Variants in SLC4A8 observed in about 807,000 individuals in gnomAD.
The protein encoded by SLC4A8 is solute carrier family 4 member 8.
Under a neutral mutation model 125.0 loss-of-function variants are expected in SLC4A8, and 40 were observed. The ratio of observed to expected loss-of-function variants is 0.32; its 90% CI spans 0.25 to 0.42. The LOEUF (loss-of-function observed/expected upper bound fraction) is 0.42. Ranked by LOEUF, SLC4A8 falls within the 10% of genes least tolerant of loss-of-function variation. The pLI is 1.00. For synonymous variants in SLC4A8, 456 were observed against 476.0 expected, an observed-to-expected ratio of 0.96 and a Z score of 0.55; for missense variants, 863 against 1,355.1, an observed-to-expected ratio of 0.64 and a Z score of 5.70.
rs758526689 is a variant in SLC4A8 at position 51,435,584 on chromosome 12, C to T, written c.49-5124C>T. On this transcript the variant is annotated intron_variant, in intron 1 of 24. Transcript: ENST00000453097. ...ACCAGCCTGGGCAACATAGTGAGAC[C>T]GCCCGCCCCAACTCCGCCACCTCTC... 8.6e-5 allele frequency among the ~76,000 whole-genome samples: 13 copies of T among 151,854 alleles called. No homozygotes were observed. In the East Asian group the frequency reaches 2.3e-3, roughly 27 times the overall value.
In SLC4A8 at chr12:51,507,615, G is replaced by C. The variant is rs992079592; in HGVS notation, c.*177G>C. Reference sequence around the variant, plus strand: ...CTTGGTGTGCATTGGAAGGCATCCAGCTATCCCCATACCAGCAGCCAGTCA... The same window carrying C: ...CTTGGTGTGCATTGGAAGGCATCCACCTATCCCCATACCAGCAGCCAGTCA... On this transcript the variant is annotated 3_prime_UTR_variant, in exon 25 of 25. Transcript: ENST00000453097. 8.6e-6 allele frequency: 4 copies of C among 464,754 alleles called. No homozygotes were observed. The highest frequency in any genetic ancestry group is 7.9e-5 in the African/African-American group (4 of 50,360). 28.8% of individuals were successfully genotyped at this position (464,754 alleles called of 1,614,324 possible).
At chr12:51,478,387 C>T (rs548258226) in intron 16 of SLC4A8, among the ~76,000 whole-genome samples, 56 of 151,948 alleles carry the variant, frequency 3.7e-4, no homozygotes, top group Admixed American at 6.6e-4. Context: ...TACAGTGAGC[C>T]GAGATCACTC....
In SLC4A8 at chr12:51,511,054, T is replaced by C. The variant is rs1288880792; in HGVS notation, c.*3616T>C. 6.6e-6 allele frequency: 1 copy of C among 152,214 alleles called. No individual in the cohort carries two copies. The highest frequency in any genetic ancestry group is 1.5e-5 in the Non-Finnish European group (1 of 68,044). 9.4% of individuals were successfully genotyped at this position (152,214 alleles called of 1,614,324 possible). On this transcript the variant is annotated 3_prime_UTR_variant, in exon 25 of 25. Transcript: ENST00000453097. ...GGACGACTTCATGGGTCAGTCCACATGATTGCAGGATTTCCCATTGTTCAT... is the reference window on the plus strand; with the variant it reads ...GGACGACTTCATGGGTCAGTCCACACGATTGCAGGATTTCCCATTGTTCAT...
intron 19 of SLC4A8, among the ~76,000 whole-genome samples, chr12:51,492,490 C>T (rs568946040): frequency 2.0e-5 from 3 of 152,266 alleles, no homozygotes; most frequent in Admixed American, 6.5e-5. Context: ...AGAGCCTAAA[C>T]GTTGCTGCTT....
intron 1 of SLC4A8, among the ~76,000 whole-genome samples, chr12:51,404,801 C>A (rs2137946888): frequency 6.6e-6 from 1 of 152,302 alleles, no homozygotes; most frequent in South Asian, 2.1e-4. Context: ...ACTTTCTTTG[C>A]TTTCTCCTCC....
chr12:51,432,151 G>A (rs1949209020), intron 1 of SLC4A8, among the ~76,000 whole-genome samples: 1 of 152,172 alleles, frequency 6.6e-6, no homozygotes, highest in Admixed American at 6.5e-5. Flanking sequence ...GCTCACGCCT[G>A]TAATCCCAGC....
chr12:51,499,357 C>T (rs1355066877), intron 22 of SLC4A8, among the ~76,000 whole-genome samples: 4 of 150,950 alleles, frequency 2.6e-5, no homozygotes, highest in South Asian at 2.1e-4. Flanking sequence ...CCCCCACACA[C>T]GTGAAAAAGA....
At chr12:51,475,528 A>G (rs1175801266) in intron 16 of SLC4A8, among the ~76,000 whole-genome samples, 2 of 152,250 alleles carry the variant, frequency 1.3e-5, no homozygotes, top group Non-Finnish European at 2.9e-5. Context: ...GACACTTAAC[A>G]CACAATAGCT....
chr12:51,463,562 G>A, intron 10 of SLC4A8, 52 bp from the exon 11 acceptor site: 1 of 1,405,386 alleles, frequency 7.1e-7, no homozygotes, highest in Non-Finnish European at 1.0e-6. Flanking sequence ...GCTGATAGCA[G>A]GACGAAAAGA....
intron 1 of SLC4A8, among the ~76,000 whole-genome samples, chr12:51,418,947 A>C (rs541266762): frequency 6.6e-6 from 1 of 152,278 alleles, no homozygotes; most frequent in African/African-American, 2.4e-5. Context: ...AAATTATGTG[A>C]AAACTCCCAT....
chr12:51,475,081 G>A lies in SLC4A8; in HGVS notation c.2047G>A (p.Ala683Thr). Residue 683 changes from alanine (A) to threonine (T), a missense_variant, in exon 16 of 25, where the codon GCG (alanine) becomes ACG (threonine). Coordinates refer to ENST00000453097, the MANE Select transcript of SLC4A8 (RefSeq NM_001039960.3). ...QEMHGEFMGS[A>T]CGHHGPYTPD... ...GATGCATGGAGAGTTCATGGGATCTGCGTGCGGCCATCATGGACCCTACAC... is the reference window on the plus strand; with the variant it reads ...GATGCATGGAGAGTTCATGGGATCTACGTGCGGCCATCATGGACCCTACAC... 1 of 1,614,012 alleles carries A rather than the reference G, an allele frequency of 6.2e-7. No homozygotes were observed. Among genetic ancestry groups the A allele is most frequent in the Non-Finnish European group, 8.5e-7 (1 of 1,179,946 alleles).
chr12:51,454,865 C>T (rs1338705206), intron 5 of SLC4A8, among the ~76,000 whole-genome samples: 23 of 10,660 alleles, frequency 2.2e-3, no homozygotes, highest in Non-Finnish European at 4.0e-3. Context: ...ACGGTCAGGT[C>T]TTTCCCTTCC....
chr12:51,466,377 C>T (rs1358892825), intron 11 of SLC4A8: 3 of 152,218 alleles, frequency 2.0e-5, no homozygotes, highest in African/African-American at 7.2e-5. Flanking sequence ...GAGCTGCTAT[C>T]TCGATGATCC....
intron 1 of SLC4A8, among the ~76,000 whole-genome samples, chr12:51,430,322 A>G (rs1452019651): frequency 1.3e-5 from 2 of 152,192 alleles, no homozygotes; most frequent in East Asian, 3.9e-4. Flanking sequence ...CTCAGTAAAT[A>G]TTTGCTGAGC....
At chr12:51,465,714 C>T (rs911787227) in intron 11 of SLC4A8, among the ~76,000 whole-genome samples, 3 of 152,116 alleles carry the variant, frequency 2.0e-5, no homozygotes, top group African/African-American at 7.2e-5. Flanking sequence ...TCTTAGAGCC[C>T]TTAGTAAAGG....
At chr12:51,472,093 T>C (rs774625822) in intron 14 of SLC4A8, among the ~76,000 whole-genome samples, 29 of 152,240 alleles carry the variant, frequency 1.9e-4, no homozygotes, top group Middle Eastern at 6.3e-3. Flanking sequence ...GATTATGATT[T>C]CTTTATGTGT....
At chr12:51,408,970 A>G (rs1287794616) in intron 1 of SLC4A8, among the ~76,000 whole-genome samples, 2 of 152,110 alleles carry the variant, frequency 1.3e-5, no homozygotes, top group African/African-American at 4.8e-5. Flanking sequence ...CCCTGTTCAT[A>G]ATTTTATTGT....
chr12:51,475,709 A>C (rs1950835879), intron 16 of SLC4A8, among the ~76,000 whole-genome samples: 1 of 152,232 alleles, frequency 6.6e-6, no homozygotes, highest in Non-Finnish European at 1.5e-5. Flanking sequence ...TTGAAACCTC[A>C]GCAACCTTTC....
chr12:51,429,287 A>T (rs1949108679), intron 1 of SLC4A8, among the ~76,000 whole-genome samples: 1 of 152,154 alleles, frequency 6.6e-6, no homozygotes. Flanking sequence ...TCTGCAAAGG[A>T]TGTGCCCTTA....
Sources: allele counts gnomAD v4.1 joint callset (sites outside exome capture counted in the v4.1 genomes callset), GRCh38; gene constraint gnomAD v4.1.1; transcripts MANE v1.5; gene names NCBI Gene and HGNC (gene_info 2026-07-23, HGNC 2026-07-21).